TSC22D2: variants seen among roughly 807,000 people sequenced by gnomAD.
TSC22D2 encodes TSC22 domain family member 2.
In TSC22D2, 5 loss-of-function variants were observed where a neutral mutation model predicts 50.1. The ratio of observed to expected loss-of-function variants is 0.10; its 90% CI spans 0.05 to 0.21. The LOEUF (loss-of-function observed/expected upper bound fraction) is 0.21. Among genes scored for constraint, TSC22D2 ranks in the 10% least tolerant of loss-of-function variants. The pLI is 1.00. For synonymous variants in TSC22D2, 501 were observed against 450.1 expected (o/e 1.11, Z -1.43); for missense variants, 1,003 against 1,015.5 (o/e 0.99, Z 0.17).
intron 1 of TSC22D2, among the ~76,000 whole-genome samples, chr3:150,455,948 A>G (rs538471702): frequency 6.6e-6 from 1 of 151,612 alleles, no homozygotes; most frequent in Admixed American, 6.5e-5. Flanking sequence ...TATTCTTACT[A>G]CTTAATACAT....
Position 150,423,222 on chromosome 3 carries a change from G to T in TSC22D2, c.1958+11914G>T. 4.9e-6 allele frequency: 4 copies of T among 813,478 alleles called. 1 individual carries two copies. Among genetic ancestry groups the T allele is most frequent in the Middle Eastern group, 2.3e-4 (1 of 4,278 alleles). The allele number at this position is 813,478 out of a possible 1,614,324, so 50.4% of individuals were successfully genotyped here. A position where few individuals can be genotyped will look rare whatever the true frequency, so the allele number is the denominator to read the frequency against. ...TTAAAACTGATCTTTGTTATTTTAG[G>T]GGGGAAATCACATGGTATCTAGCAT... On this transcript the variant is annotated intron_variant, in intron 1 of 2. Transcript: ENST00000688009.
At chr3:150,422,634 A>G (rs187242519) in intron 1 of TSC22D2, among the ~76,000 whole-genome samples, 388 of 152,316 alleles carry the variant, frequency 2.5e-3, no homozygotes, top group Middle Eastern at 3.4e-3. Flanking sequence ...TTATATTGTG[A>G]AGATATAGCT....
At chr3:150,431,402 T>G (rs756004568) in intron 1 of TSC22D2, among the ~76,000 whole-genome samples, 1 of 152,114 alleles carries the variant, frequency 6.6e-6, no homozygotes, top group Non-Finnish European at 1.5e-5. Flanking sequence ...CAGTGCATAT[T>G]CAGATTTTGT....
intron 1 of TSC22D2, among the ~76,000 whole-genome samples, chr3:150,442,594 A>C (rs1299500450): frequency 3.3e-5 from 5 of 152,216 alleles, no homozygotes; most frequent in Non-Finnish European, 7.3e-5. Context: ...GCCAGATACT[A>C]ATGCATTATC....
rs186012660 is a variant in TSC22D2 at position 150,417,322 on chromosome 3, T to C, written c.1958+6014T>C. 2.6e-5 allele frequency among the ~76,000 whole-genome samples: 4 copies of C among 152,248 alleles called. No homozygotes were observed. In the East Asian group the frequency reaches 7.7e-4, roughly 29 times the overall value. On this transcript the variant is annotated intron_variant, in intron 1 of 2. Coordinates refer to ENST00000688009, the MANE Select transcript of TSC22D2 (RefSeq NM_001303264.2). ...TTCCCAAAGGTAAGTGTAAAGCCTC[T>C]AGTTTCTAAAGTAGAGTTAGTATTT...
At chr3:150,455,131 T>C (rs1257773179) in intron 1 of TSC22D2, among the ~76,000 whole-genome samples, 1 of 152,216 alleles carries the variant, frequency 6.6e-6, no homozygotes. Flanking sequence ...TTCCTTGTCA[T>C]GTCAATAAAA....
At chr3:150,429,983 C>T (rs1334235178) in intron 1 of TSC22D2, among the ~76,000 whole-genome samples, 2 of 152,052 alleles carry the variant, frequency 1.3e-5, no homozygotes, top group Non-Finnish European at 2.9e-5. Context: ...AAAGTTTGTT[C>T]TCCTATAATT....
chr3:150,411,445 AT>A, intron 1 of TSC22D2, 137 bp downstream of exon 1: 1 of 913,768 alleles, frequency 1.1e-6, no homozygotes, highest in Non-Finnish European at 1.6e-6. Context: ...GGTAAAATTG[AT>A]TTAGATTGCT....
At chr3:150,413,954 A>T (rs1719694739) in intron 1 of TSC22D2, among the ~76,000 whole-genome samples, 2 of 137,444 alleles carry the variant, frequency 1.5e-5, no homozygotes, top group South Asian at 4.6e-4. Context: ...TGGGAAATTA[A>T]CAAAAAGATT....
At chr3:150,431,030 G>A (rs542680123) in intron 1 of TSC22D2, among the ~76,000 whole-genome samples, 1 of 151,348 alleles carries the variant, frequency 6.6e-6, no homozygotes, top group South Asian at 2.1e-4. Flanking sequence ...ATTATTTTAG[G>A]AACCACTAAC....
intron 1 of TSC22D2, among the ~76,000 whole-genome samples, chr3:150,426,480 G>T (rs1213374622): frequency 6.6e-6 from 1 of 152,126 alleles, no homozygotes. Context: ...CAGCGTAAGG[G>T]TTTATAGCAA....
In TSC22D2 at chr3:150,413,590, TA is replaced by T. The variant is rs200133245; in HGVS notation, c.1958+2296del. On this transcript the variant is annotated intron_variant, in intron 1 of 2. Transcript: ENST00000688009. ...TTTTTTTTTAATAGAAAGCTTTGGT[TA>T]AAAAAAAAAAAAAGAACAGGGTATT... Among the ~76,000 whole-genome samples the T allele has an allele frequency of 8.7e-3, 1,198 of 137,906 alleles. 59 individuals are homozygous for T. The East Asian group carries it at 0.13, about 15-fold the overall frequency. The allele number at this position is 137,906 out of a possible 152,430, so 90.5% of individuals were successfully genotyped here.
chr3:150,466,409 GAAATA>G (rs912159314), exon 3 of TSC22D2: 6 of 152,224 alleles, frequency 3.9e-5, no homozygotes, highest in South Asian at 2.1e-4. Flanking sequence ...TAATAAATTA[GAAATA>G]AAATAAAATA....
chr3:150,443,458 A>G (rs975308407), intron 1 of TSC22D2, among the ~76,000 whole-genome samples: 33 of 152,244 alleles, frequency 2.2e-4, no homozygotes, highest in Admixed American at 4.6e-4. Context: ...ATAAGGAGAC[A>G]TTGCTTAATA....
intron 1 of TSC22D2, chr3:150,438,334 G>A: frequency 3.3e-6 from 1 of 303,166 alleles, no homozygotes; most frequent in Admixed American, 3.3e-5. Flanking sequence ...GTCCACAAGA[G>A]TGTCATCAGG....
At position 150,460,038 on chromosome 3, in the gene TSC22D2, A is replaced by G. The variant is rs914920379; in HGVS notation, c.*1402A>G. Reference sequence around the variant, plus strand: ...AAGAAAGCATCATTTTGTGTATACTAACACATTAAGTGTATGTCAGAAATT... The same window carrying G: ...AAGAAAGCATCATTTTGTGTATACTGACACATTAAGTGTATGTCAGAAATT... On this transcript the variant is annotated 3_prime_UTR_variant, in exon 3 of 3. Transcript: ENST00000688009. 4.6e-5 allele frequency: 7 copies of G among 152,144 alleles called. No homozygotes were observed. The highest frequency in any genetic ancestry group is 1.4e-4 in the African/African-American group (6 of 41,436). The allele number at this position is 152,144 out of a possible 1,614,324, so 9.4% of individuals were successfully genotyped here.
intron 1 of TSC22D2, among the ~76,000 whole-genome samples, chr3:150,415,812 C>T (rs1276229708): frequency 6.6e-6 from 1 of 151,938 alleles, no homozygotes. Context: ...AAGGACCTGT[C>T]TGTAAAAAGA....
intron 1 of TSC22D2, among the ~76,000 whole-genome samples, chr3:150,431,604 G>C (rs1158932896): frequency 6.6e-6 from 1 of 152,068 alleles, no homozygotes; most frequent in Non-Finnish European, 1.5e-5. Context: ...CAGTATTAAT[G>C]TTTTTGGATA....
chr3:150,420,826 A>AT (rs199874077), intron 1 of TSC22D2, among the ~76,000 whole-genome samples: 41 of 152,270 alleles, frequency 2.7e-4, no homozygotes, highest in African/African-American at 8.9e-4. Context: ...TCATGCCTGT[A>AT]ATCCCAGCAC....
Sources: gnomAD v4.1 joint callset for allele counts (sites outside exome capture counted in the v4.1 genomes callset) on GRCh38, gnomAD v4.1.1 for gene constraint, MANE v1.5 for transcripts, NCBI Gene and HGNC (gene_info 2026-07-23, HGNC 2026-07-21) for gene names.